FAM193A: variants seen among roughly 807,000 people sequenced by gnomAD.
FAM193A encodes the protein family with sequence similarity 193 member A, also known as protein FAM193A.
FAM193A carries 22 observed loss-of-function variants against 126.5 expected under a neutral mutation model. The ratio of observed to expected loss-of-function variants is 0.17; its 90% CI spans 0.12 to 0.25. The LOEUF (loss-of-function observed/expected upper bound fraction) is 0.25. Among genes scored for constraint, FAM193A ranks in the 10% least tolerant of loss-of-function variants. The probability of loss-of-function intolerance (pLI) is 1.00; values close to 1 mark genes in which losing one functional copy is unlikely to be tolerated. For missense variants in FAM193A, 1,675 were observed against 1,672.8 expected (o/e 1.00, Z -0.02); for synonymous variants, 761 against 646.8 (o/e 1.18, Z -2.68).
At chr4:2,708,620 G>T (rs930072256) in intron 19 of FAM193A, among the ~76,000 whole-genome samples, 2 of 151,838 alleles carry the variant, frequency 1.3e-5, no homozygotes, top group Non-Finnish European at 2.9e-5. Context: ...ACACCACCAT[G>T]CCCAGCTAGT....
intron 1 of FAM193A, among the ~76,000 whole-genome samples, chr4:2,555,269 A>T (rs956288883): frequency 2.6e-5 from 4 of 152,210 alleles, no homozygotes; most frequent in Non-Finnish European, 5.9e-5. Flanking sequence ...TTCAAATCAT[A>T]GGCCTCTATA....
At chr4:2,590,499 A>AAC (rs1740497360) in intron 1 of FAM193A, among the ~76,000 whole-genome samples, 1 of 79,360 alleles carries the variant, frequency 1.3e-5, no homozygotes, top group Non-Finnish European at 2.4e-5. Context: ...AAAAAAACAA[A>AAC]AAAAAACAAA....
At chr4:2,591,680 C>G (rs547846361) in intron 1 of FAM193A, among the ~76,000 whole-genome samples, 1 of 152,210 alleles carries the variant, frequency 6.6e-6, no homozygotes, top group South Asian at 2.1e-4. Flanking sequence ...TTTAGTAAAT[C>G]TGGGTTTTCA....
At chr4:2,565,846 A>C (rs959883941) in intron 1 of FAM193A, among the ~76,000 whole-genome samples, 2 of 152,198 alleles carry the variant, frequency 1.3e-5, no homozygotes, top group African/African-American at 4.8e-5. Flanking sequence ...ATCTTTTGGC[A>C]AAGGTAAAAG....
intron 1 of FAM193A, among the ~76,000 whole-genome samples, chr4:2,552,498 C>T (rs1737991345): frequency 6.6e-6 from 1 of 151,902 alleles, no homozygotes; most frequent in Admixed American, 6.6e-5. Flanking sequence ...CTGAGCCATA[C>T]TTAAGCTGTA....
intron 2 of FAM193A, among the ~76,000 whole-genome samples, chr4:2,624,456 T>A (rs2108973912): frequency 6.6e-6 from 1 of 152,324 alleles, no homozygotes; most frequent in South Asian, 2.1e-4. Flanking sequence ...GTGTTCTCTT[T>A]CTTAAGCCTC....
At chr4:2,629,798 T>C (rs1350895630) in intron 4 of FAM193A, among the ~76,000 whole-genome samples, 2 of 152,168 alleles carry the variant, frequency 1.3e-5, no homozygotes, top group Non-Finnish European at 1.5e-5. Flanking sequence ...ACAATTAAAT[T>C]TAACCATAGC....
At chr4:2,630,656 CCACA>C (rs1743470105) in intron 4 of FAM193A, among the ~76,000 whole-genome samples, 1 of 152,218 alleles carries the variant, frequency 6.6e-6, no homozygotes, top group African/African-American at 2.4e-5. Context: ...GGCACTGAAC[CCACA>C]CACAGCGAAC....
At chr4:2,731,474 C>G (rs984232307) in intron 20 of FAM193A, among the ~76,000 whole-genome samples, 1 of 152,112 alleles carries the variant, frequency 6.6e-6, no homozygotes, top group African/African-American at 2.4e-5. Context: ...GTATGAGCCA[C>G]CACACCCTGC....
intron 2 of FAM193A, among the ~76,000 whole-genome samples, chr4:2,598,730 C>T (rs1197282593): frequency 6.6e-6 from 1 of 152,218 alleles, no homozygotes; most frequent in East Asian, 1.9e-4. Flanking sequence ...TTCCTGTGTC[C>T]TGTTGTGCAC....
At chr4:2,558,562 G>C (rs1185267625) in intron 1 of FAM193A, among the ~76,000 whole-genome samples, 3 of 152,038 alleles carry the variant, frequency 2.0e-5, no homozygotes, top group Admixed American at 6.6e-5. Flanking sequence ...AAATTTTTCT[G>C]GGGGGGATGA....
intron 12 of FAM193A, among the ~76,000 whole-genome samples, chr4:2,665,180 C>T (rs1172290609): frequency 6.6e-6 from 1 of 152,138 alleles, no homozygotes; most frequent in Non-Finnish European, 1.5e-5. Context: ...AAATTCCAGT[C>T]TTTGTGTCTG....
chr4:2,711,579 A>G (rs1309924701), intron 19 of FAM193A, among the ~76,000 whole-genome samples: 4 of 150,742 alleles, frequency 2.7e-5, no homozygotes, highest in African/African-American at 9.7e-5. Flanking sequence ...ACCTCAGGTG[A>G]TCCACCCGCC....
At chr4:2,538,686 C>CGGGG (rs1183181389) in intron 1 of FAM193A, among the ~76,000 whole-genome samples, 1 of 42,276 alleles carries the variant, frequency 2.4e-5, no homozygotes, top group African/African-American at 9.4e-5. Flanking sequence ...TAGGGGAGGG[C>CGGGG]GGGGGGGGTT....
intron 2 of FAM193A, among the ~76,000 whole-genome samples, chr4:2,620,844 A>AAAAAAAAAAAAAAAAAAAC (rs1742503182): frequency 6.6e-6 from 1 of 151,446 alleles, no homozygotes; most frequent in African/African-American, 2.4e-5. Flanking sequence ...CTCAAAAAAA[A>AAAAAAAAAAAAAAAAAAAC]AAAAAAAAAA....
At chr4:2,547,749 C>T (rs1737656294) in intron 1 of FAM193A, among the ~76,000 whole-genome samples, 1 of 151,644 alleles carries the variant, frequency 6.6e-6, no homozygotes, top group African/African-American at 2.4e-5. Flanking sequence ...CCTCAGCCTC[C>T]CCAGTAGCTA....
chr4:2,708,509 C>A (rs1718563662), intron 19 of FAM193A, among the ~76,000 whole-genome samples: 1 of 151,932 alleles, frequency 6.6e-6, no homozygotes, highest in African/African-American at 2.4e-5. Flanking sequence ...GTCGCCCAGG[C>A]TGGAGTGCAG....
At chr4:2,554,103 G>A (rs1738112647) in intron 1 of FAM193A, among the ~76,000 whole-genome samples, 1 of 151,708 alleles carries the variant, frequency 6.6e-6, no homozygotes, top group African/African-American at 2.4e-5. Context: ...TTATTTTTTT[G>A]AGACTAGGTC....
intron 20 of FAM193A, among the ~76,000 whole-genome samples, chr4:2,719,521 G>A (rs967942132): frequency 2.6e-5 from 4 of 152,058 alleles, no homozygotes; most frequent in Admixed American, 6.6e-5. Context: ...CCAGGCGGGC[G>A]GATCACCTGA....
Sources: gnomAD v4.1 joint callset for allele counts (sites outside exome capture counted in the v4.1 genomes callset) on GRCh38, gnomAD v4.1.1 for gene constraint, MANE v1.5 for transcripts, NCBI Gene and HGNC (gene_info 2026-07-23, HGNC 2026-07-21) for gene names.